Variants in USP37 observed in about 807,000 individuals in gnomAD.
USP37 encodes ubiquitin specific peptidase 37.
USP37 carries 27 observed loss-of-function variants against 124.0 expected under a neutral mutation model. The observed-to-expected ratio is 0.22, with a 90% CI of 0.16 to 0.30. USP37 has a LOEUF of 0.30. USP37 is among the 10% of genes least tolerant of loss of function. The pLI is 1.00. For synonymous variants in USP37, 365 were observed against 388.0 expected (o/e 0.94, Z 0.70); for missense variants, 889 against 1,140.4 (o/e 0.78, Z 3.17).
intron 18 of USP37, among the ~76,000 whole-genome samples, chr2:218,478,609 T>C (rs952592832): frequency 3.9e-5 from 6 of 152,212 alleles, no homozygotes; most frequent in Non-Finnish European, 5.9e-5. Context: ...CAAGGTACAA[T>C]GATGCCCAAT....
intron 14 of USP37, 114 bp from the exon 15 acceptor site, chr2:218,488,535 G>T: frequency 1.6e-6 from 1 of 642,778 alleles, no homozygotes; most frequent in Non-Finnish European, 2.7e-6. Flanking sequence ...ACTATCACCA[G>T]GCATAAGAAC....
chr2:218,502,566 A>G (rs749972288), intron 11 of USP37, among the ~76,000 whole-genome samples: 4 of 152,172 alleles, frequency 2.6e-5, no homozygotes, highest in African/African-American at 9.6e-5. Context: ...CAGATCCAAG[A>G]AGCTCAACAA....
intron 11 of USP37, among the ~76,000 whole-genome samples, chr2:218,503,380 T>C (rs1394670089): frequency 6.6e-6 from 1 of 152,194 alleles, no homozygotes; most frequent in Non-Finnish European, 1.5e-5. Context: ...TTTAAGGCTG[T>C]AAAAAAATCC....
intron 8 of USP37, among the ~76,000 whole-genome samples, chr2:218,541,296 C>T (rs1160782397): frequency 6.6e-6 from 1 of 152,074 alleles, no homozygotes; most frequent in African/African-American, 2.4e-5. Context: ...CAGGCAGATT[C>T]ATAGGAAAGA....
intron 11 of USP37, among the ~76,000 whole-genome samples, chr2:218,499,802 G>A (rs1460150634): frequency 1.3e-5 from 2 of 152,126 alleles, no homozygotes; most frequent in Non-Finnish European, 2.9e-5. Context: ...TTGTTTTTGA[G>A]ACAGGGTCTT....
chr2:218,525,958 T>G (rs1180084213), intron 10 of USP37, among the ~76,000 whole-genome samples: 1 of 152,196 alleles, frequency 6.6e-6, no homozygotes, highest in Non-Finnish European at 1.5e-5. Flanking sequence ...TCTGTTCCTG[T>G]GTTAGTTGGT....
intron 11 of USP37, chr2:218,500,900 T>TGG (rs1689342503): frequency 1.8e-5 from 3 of 164,918 alleles, no homozygotes; most frequent in Non-Finnish European, 4.4e-5. Context: ...CCTCTTTGAC[T>TGG]GAGCACGCAG....
intron 9 of USP37, 114 bp downstream of exon 9, chr2:218,534,495 T>A: frequency 2.1e-6 from 1 of 478,292 alleles, no homozygotes; most frequent in East Asian, 6.0e-5. Context: ...TCTCAAAAAA[T>A]ATATATAAAT....
intron 8 of USP37, among the ~76,000 whole-genome samples, chr2:218,545,038 T>A (rs1450411545): frequency 1.3e-5 from 2 of 151,722 alleles, no homozygotes; most frequent in African/African-American, 4.8e-5. Context: ...AATGTTCTCA[T>A]GAGATTTGGA....
At chr2:218,528,226 T>A (rs1337380361) in intron 10 of USP37, 1 of 152,120 alleles carries the variant, frequency 6.6e-6, no homozygotes, top group Admixed American at 6.6e-5. Flanking sequence ...ACATATGACT[T>A]AATAGGTCAT....
intron 17 of USP37, among the ~76,000 whole-genome samples, chr2:218,481,247 C>T (rs1469048952): frequency 1.3e-5 from 2 of 152,166 alleles, no homozygotes; most frequent in Non-Finnish European, 2.9e-5. Flanking sequence ...TGAGAAATTT[C>T]AGGAGCCATT....
intron 20 of USP37, among the ~76,000 whole-genome samples, chr2:218,473,797 G>A (rs1690816877): frequency 6.6e-6 from 1 of 152,202 alleles, no homozygotes; most frequent in South Asian, 2.1e-4. Flanking sequence ...ACAGTCATGT[G>A]TTGCTTAATG....
At chr2:218,493,870 A>G (rs1688928706) in intron 14 of USP37, among the ~76,000 whole-genome samples, 2 of 152,204 alleles carry the variant, frequency 1.3e-5, no homozygotes, top group Non-Finnish European at 2.9e-5. Flanking sequence ...GTCATTTTCA[A>G]CTGAGGCAAC....
intron 11 of USP37, among the ~76,000 whole-genome samples, chr2:218,508,603 TG>T (rs1460782525): frequency 6.6e-6 from 1 of 151,914 alleles, no homozygotes; most frequent in African/African-American, 2.4e-5. Context: ...GGTCACAAAA[TG>T]GGATAGATAA....
At chr2:218,544,491 T>C (rs574392059) in intron 8 of USP37, among the ~76,000 whole-genome samples, 3 of 148,742 alleles carry the variant, frequency 2.0e-5, no homozygotes, top group South Asian at 4.3e-4. Context: ...CTGCTTGTTT[T>C]ACCTTTAAAG....
At chr2:218,530,103 T>A in intron 9 of USP37, 63 bp from the exon 10 acceptor site, 1 of 1,287,546 alleles carries the variant, frequency 7.8e-7, no homozygotes, top group Non-Finnish European at 1.1e-6. Context: ...GTTCATTTAA[T>A]AATAAAAGTA....
At chr2:218,567,345 G>A (rs1693672231) in intron 1 of USP37, among the ~76,000 whole-genome samples, 1 of 152,096 alleles carries the variant, frequency 6.6e-6, no homozygotes, top group Non-Finnish European at 1.5e-5. Flanking sequence ...TCCATCCTAG[G>A]TGCCTTTATT....
intron 10 of USP37, among the ~76,000 whole-genome samples, chr2:218,512,516 T>A (rs940882251): frequency 2.6e-5 from 4 of 151,494 alleles, no homozygotes; most frequent in African/African-American, 9.7e-5. Context: ...TCAAAAAAAA[T>A]AAAAAAAGTT....
rs1246072362 is a variant in USP37, at chr2:218,465,883, A to G, written c.2466+127T>C. 4 of 1,233,962 alleles carry G rather than the reference A, an allele frequency of 3.2e-6. No homozygotes were observed. The East Asian group carries it at 1.0e-4, about 32-fold the overall frequency. The allele number at this position is 1,233,962 out of a possible 1,614,324, so 76.4% of individuals were successfully genotyped here. On this transcript the variant is annotated intron_variant, in intron 21 of 25. Transcript: ENST00000258399. ...AAACAAGTCTTTTTTTTCCCCAATG[A>G]CTTACTCTATGTAAATCATCTGGAA...
Sources: gnomAD v4.1 joint callset for allele counts (sites outside exome capture counted in the v4.1 genomes callset) on GRCh38, gnomAD v4.1.1 for gene constraint, MANE v1.5 for transcripts, NCBI Gene and HGNC (gene_info 2026-07-23, HGNC 2026-07-21) for gene names.